DAB1: variants seen among roughly 807,000 people sequenced by gnomAD.
The protein encoded by DAB1 is disabled homolog 1.
DAB1 carries 15 observed loss-of-function variants against 64.6 expected under a neutral mutation model. The ratio of observed to expected loss-of-function variants is 0.23; its 90% CI spans 0.16 to 0.36. The LOEUF (loss-of-function observed/expected upper bound fraction) is 0.36, where lower values mean the gene tolerates loss of function less well. DAB1 is among the 10% of genes least tolerant of loss of function. DAB1 has a pLI of 1.00. For synonymous variants in DAB1, 235 were observed against 251.9 expected, an observed-to-expected ratio of 0.93 and a Z score of 0.64; for missense variants, 596 against 706.7, an observed-to-expected ratio of 0.84 and a Z score of 1.78.
chr1:57,728,103 C>T (rs1033354735), intron 6 of DAB1, among the ~76,000 whole-genome samples: 1 of 152,174 alleles, frequency 6.6e-6, no homozygotes, highest in Non-Finnish European at 1.5e-5. Flanking sequence ...CTACCAAAGA[C>T]ACTTTAGAAA....
chr1:57,996,659 G>C (rs1646429643), intron 5 of DAB1, among the ~76,000 whole-genome samples: 2 of 152,204 alleles, frequency 1.3e-5, no homozygotes. Context: ...GTAACTCTGA[G>C]AATAGGGAAA....
intron 5 of DAB1, among the ~76,000 whole-genome samples, chr1:58,023,926 GC>G (rs5774390): frequency 0.069 from 10,552 of 152,150 alleles, 409 homozygotes; most frequent in Admixed American, 0.11. Flanking sequence ...GACCTCCAAA[GC>G]CCTATCATGT....
chr1:58,481,533 T>C (rs1645482364), intron 3 of DAB1, among the ~76,000 whole-genome samples: 1 of 152,138 alleles, frequency 6.6e-6, no homozygotes, highest in African/African-American at 2.4e-5. Flanking sequence ...CTATGAGAGA[T>C]TTTTTTCAAG....
chr1:57,610,643 C>T (rs1314351419), intron 7 of DAB1, among the ~76,000 whole-genome samples: 1 of 152,134 alleles, frequency 6.6e-6, no homozygotes, highest in African/African-American at 2.4e-5. Context: ...AGGAAACTTA[C>T]AATCATGGCA....
At position 57,172,262 on chromosome 1, in the gene DAB1, C is replaced by T. The variant is rs1330389577; in HGVS notation, c.68-26833G>A. Reference sequence around the variant, plus strand: ...CCAAATAAGGTCACATTCTGAGGTACAGGGAGTTAGGACTTCAACATATGA... The same window carrying T: ...CCAAATAAGGTCACATTCTGAGGTATAGGGAGTTAGGACTTCAACATATGA... On this transcript the variant is annotated intron_variant, in intron 2 of 14. Transcript: ENST00000371236. 2.0e-5 allele frequency among the ~76,000 whole-genome samples: 3 copies of T among 152,132 alleles called. 1 individual carries two copies. The South Asian group carries it at 6.2e-4, about 32-fold the overall frequency.
chr1:57,471,166 C>T (rs778391247), intron 7 of DAB1, among the ~76,000 whole-genome samples: 7 of 152,096 alleles, frequency 4.6e-5, no homozygotes, highest in Admixed American at 1.3e-4. Context: ...GAGATGATGA[C>T]GAACCAAATT....
intron 9 of DAB1, among the ~76,000 whole-genome samples, chr1:57,048,652 T>A (rs59236630): frequency 0.1 from 15,466 of 152,194 alleles, 1,478 homozygotes; most frequent in African/African-American, 0.25. Context: ...CTTTCTATCT[T>A]TCAGAGTTAG....
At position 58,146,350 on chromosome 1, in the gene DAB1, T is replaced by C. The variant is rs372036818; in HGVS notation, n.387+4161A>G. 8.2e-4 allele frequency among the ~76,000 whole-genome samples: 125 copies of C among 152,312 alleles called. 2 individuals carry two copies. In the South Asian group the frequency reaches 0.026, roughly 31 times the overall value. On this transcript the variant is annotated intron_variant and non_coding_transcript_variant, in intron 5 of 20. Transcript: ENST00000485760. Reference sequence around the variant, plus strand: ...CAAATAGTTACCGTGTGTGTGTGCATGTATGTGTGTGAGGAACACCCAAAA... The same window carrying C: ...CAAATAGTTACCGTGTGTGTGTGCACGTATGTGTGTGAGGAACACCCAAAA...
intron 1 of DAB1, among the ~76,000 whole-genome samples, chr1:57,305,985 AG>A (rs200700535): frequency 0.034 from 4,806 of 141,594 alleles, 253 homozygotes; most frequent in African/African-American, 0.13. Flanking sequence ...AAAAAAAAAA[AG>A]AAAAAAGAAA....
intron 7 of DAB1, among the ~76,000 whole-genome samples, chr1:57,617,267 C>T (rs1040421960): frequency 5.9e-5 from 9 of 152,212 alleles, no homozygotes; most frequent in Admixed American, 5.9e-4. Flanking sequence ...CATCCATAGC[C>T]AATGACCAAC....
At chr1:57,275,958 A>G (rs1307526251) in intron 2 of DAB1, among the ~76,000 whole-genome samples, 2 of 152,256 alleles carry the variant, frequency 1.3e-5, no homozygotes, top group Admixed American at 6.5e-5. Context: ...ACCAATAAAA[A>G]TGGCAACAAT....
chr1:58,234,256 C>T (rs112539302), intron 4 of DAB1, among the ~76,000 whole-genome samples: 1,763 of 152,200 alleles, frequency 0.012, 35 homozygotes, highest in African/African-American at 0.04. Flanking sequence ...AAATATCTAT[C>T]GATTATTGAC....
At position 58,171,817 on chromosome 1, in the gene DAB1, T is replaced by A. The variant is rs544357053; in HGVS notation, n.310-21229A>T. Among the ~76,000 whole-genome samples, 6 of 152,364 alleles carry A rather than the reference T, an allele frequency of 3.9e-5. No homozygotes were observed. The East Asian group carries it at 5.8e-4, about 15-fold the overall frequency. ...CCAATTTGGAAGCCTCATGCCAGCATGCTACTCTAGATATCTTGAACTTTC... is the reference window on the plus strand; with the variant it reads ...CCAATTTGGAAGCCTCATGCCAGCAAGCTACTCTAGATATCTTGAACTTTC... On this transcript the variant is annotated intron_variant and non_coding_transcript_variant, in intron 4 of 20. Transcript: ENST00000485760.
rs531342543 is a variant in DAB1 at position 57,349,778 on chromosome 1, G to A, written c.-136-58612C>T. 9.2e-5 allele frequency among the ~76,000 whole-genome samples: 14 copies of A among 152,192 alleles called. 1 individual carries two copies. The highest frequency in any genetic ancestry group is 5.8e-4 in the East Asian group (3 of 5,160). ...GCGGGGGAAATCAAAATAAAGATCCGGACAGAAACTAATTATACTCATTGG... is the reference window on the plus strand; with the variant it reads ...GCGGGGGAAATCAAAATAAAGATCCAGACAGAAACTAATTATACTCATTGG... On this transcript the variant is annotated intron_variant, in intron 1 of 14. Coordinates refer to ENST00000371236, the MANE Select transcript of DAB1 (RefSeq NM_001365792.1).
chr1:57,274,287 C>T (rs886547928), intron 2 of DAB1, among the ~76,000 whole-genome samples: 9 of 152,174 alleles, frequency 5.9e-5, no homozygotes, highest in Non-Finnish European at 1.3e-4. Context: ...AATTATCTTA[C>T]TGAAAATAAG....
intron 5 of DAB1, among the ~76,000 whole-genome samples, chr1:58,077,528 A>G (rs1649730484): frequency 6.6e-6 from 1 of 152,342 alleles, no homozygotes; most frequent in Middle Eastern, 3.4e-3. Context: ...AGGGAGAGAA[A>G]CACCAGCAGA....
intron 4 of DAB1, among the ~76,000 whole-genome samples, chr1:58,299,492 T>G (rs1370744341): frequency 6.6e-6 from 1 of 152,228 alleles, no homozygotes; most frequent in Non-Finnish European, 1.5e-5. Context: ...CATACAAGCA[T>G]AGGTGCAGAG....
chr1:57,754,681 T>G (rs1207744924), intron 6 of DAB1, among the ~76,000 whole-genome samples: 1 of 147,304 alleles, frequency 6.8e-6, no homozygotes, highest in South Asian at 2.2e-4. Flanking sequence ...TAGAGGGAGA[T>G]TCTGTCTAAA....
intron 5 of DAB1, among the ~76,000 whole-genome samples, chr1:58,034,730 T>C (rs558103853): frequency 6.6e-6 from 1 of 152,210 alleles, no homozygotes; most frequent in Non-Finnish European, 1.5e-5. Context: ...TTACTCTGTC[T>C]CACTGATCTG....
Sources: gnomAD v4.1 joint callset for allele counts (sites outside exome capture counted in the v4.1 genomes callset) on GRCh38, gnomAD v4.1.1 for gene constraint, MANE v1.5 for transcripts, NCBI Gene and HGNC (gene_info 2026-07-23, HGNC 2026-07-21) for gene names.